The following CECR2 variants were observed in gnomAD, a reference collection of about 807,000 sequenced individuals.
CECR2 encodes the protein chromatin remodeling regulator CECR2.
A neutral mutation model predicts 154.5 loss-of-function variants in CECR2; 30 were observed. The observed-to-expected ratio is 0.19, with a 90% CI of 0.15 to 0.26. The LOEUF (loss-of-function observed/expected upper bound fraction) is 0.26. Ranked by LOEUF, CECR2 falls within the 10% of genes least tolerant of loss-of-function variation. The pLI, the probability that CECR2 is intolerant of heterozygous loss-of-function variation, is 1.00. For synonymous variants in CECR2, 725 were observed against 683.7 expected, an observed-to-expected ratio of 1.06 and a Z score of -0.94; for missense variants, 1,743 against 1,829.3, an observed-to-expected ratio of 0.95 and a Z score of 0.86.
intron 1 of CECR2, among the ~76,000 whole-genome samples, chr22:17,452,446 A>G (rs5747167): frequency 0.081 from 12,375 of 152,140 alleles, 819 homozygotes; most frequent in East Asian, 0.25. Context: ...ATAGACCATC[A>G]AGTATAAGAG....
At position 17,369,724 on chromosome 22, in the gene CECR2, C is replaced by T. The variant is rs1168321776; in HGVS notation, c.-60C>T. 1 of 149,166 alleles carries T rather than the reference C, an allele frequency of 6.7e-6. No individual in the cohort carries two copies. Among genetic ancestry groups the T allele is most frequent in the Non-Finnish European group, 1.5e-5 (1 of 67,050 alleles). The allele number at this position is 149,166 out of a possible 1,614,324, so 9.2% of individuals were successfully genotyped here. On this transcript the variant is annotated 5_prime_UTR_variant, in exon 1 of 19. Transcript: ENST00000262608. ...GCTGCGGCGCTGCCGCGGCGGGAGT[C>T]CCAGGTCGGCGGGCAGAGCGCGGGC...
intron 1 of CECR2, among the ~76,000 whole-genome samples, chr22:17,449,862 A>C (rs1385095450): frequency 1.3e-5 from 2 of 152,142 alleles, no homozygotes; most frequent in African/African-American, 4.8e-5. Flanking sequence ...ATGGTCTGAT[A>C]AGTTTTTCCC....
In CECR2 at chr22:17,542,749, C is replaced by G; in HGVS notation, c.2606C>G (p.Ala869Gly). The change falls in exon 16 of 19, where the codon GCT becomes GGT. Residue 869 changes from alanine (A) to glycine (G), a missense_variant. Ala to Gly is a moderately conservative substitution (Grantham distance 60). This residue lies in a region of CECR2 where 1,250 missense variants were observed against 1,192.1 expected (regional missense o/e 1.05). Coordinates refer to ENST00000262608, the MANE Select transcript of CECR2 (RefSeq NM_001290047.2). ...PSSLFGAPAQ[A>G]LRGVQGGDSM... is the part of the protein sequence containing the mutation. Reference sequence around the variant, plus strand: ...TCTTTGTTTGGAGCACCTGCCCAGGCTCTTCGGGGGGTGCAGGGAGGGGAC... The same window carrying G: ...TCTTTGTTTGGAGCACCTGCCCAGGGTCTTCGGGGGGTGCAGGGAGGGGAC... 6.2e-7 allele frequency: 1 copy of G among 1,614,030 alleles called. No homozygotes were observed. The highest frequency in any genetic ancestry group is 8.5e-7 in the Non-Finnish European group (1 of 1,179,902).
rs543076997 is a variant in CECR2 at position 17,411,982 on chromosome 22, C to T, written c.126+42073C>T. ...GTCGGACGTCAAGGTTTTTTCCAAT[C>T]TTAAATGGACTAACAGTGCTAAGAT... On this transcript the variant is annotated intron_variant, in intron 1 of 18. Coordinates refer to ENST00000262608, the MANE Select transcript of CECR2 (RefSeq NM_001290047.2). Among the ~76,000 whole-genome samples the T allele has an allele frequency of 3.7e-4, 57 of 152,214 alleles. 1 individual carries two copies. In the South Asian group the frequency reaches 4.8e-3, roughly 13 times the overall value.
At chr22:17,444,390 A>C (rs1337883757) in intron 1 of CECR2, among the ~76,000 whole-genome samples, 1 of 152,040 alleles carries the variant, frequency 6.6e-6, no homozygotes, top group African/African-American at 2.4e-5. Context: ...ACTTTGGGAG[A>C]CCAAGACGGG....
chr22:17,432,065 CTG>C (rs2054433206), intron 1 of CECR2, among the ~76,000 whole-genome samples: 2 of 140,792 alleles, frequency 1.4e-5, no homozygotes, highest in African/African-American at 2.7e-5. Flanking sequence ...TTTGCCCACT[CTG>C]GACATTTCCT....
intron 1 of CECR2, chr22:17,424,369 TG>T: frequency 5.5e-6 from 1 of 180,320 alleles, no homozygotes; most frequent in Non-Finnish European, 1.2e-5. Flanking sequence ...TCCTCCACAA[TG>T]GGGAGTGTGG....
intron 4 of CECR2, 96 bp downstream of exon 4, chr22:17,499,645 A>G (rs2055699487): frequency 7.8e-7 from 1 of 1,283,514 alleles, no homozygotes; most frequent in Non-Finnish European, 1.1e-6. Flanking sequence ...TTTTTTCCTA[A>G]TGAAGGAATT....
At chr22:17,546,767 G>A (rs1032214865) in intron 16 of CECR2, among the ~76,000 whole-genome samples, 6 of 151,998 alleles carry the variant, frequency 3.9e-5, no homozygotes, top group Admixed American at 2.0e-4. Context: ...GGCTGGGCGC[G>A]GTGGCTCACA....
At chr22:17,390,211 G>A (rs556414670) in intron 1 of CECR2, among the ~76,000 whole-genome samples, 1 of 152,124 alleles carries the variant, frequency 6.6e-6, no homozygotes, top group South Asian at 2.1e-4. Flanking sequence ...GACCTTTTTG[G>A]AAGACTAAAA....
intron 1 of CECR2, among the ~76,000 whole-genome samples, chr22:17,407,651 A>T (rs1394402855): frequency 6.6e-6 from 1 of 151,470 alleles, no homozygotes; most frequent in Admixed American, 6.6e-5. Flanking sequence ...TTTTAGGTGG[A>T]TGATTAAGGA....
chr22:17,404,361 G>GTTTTTTT (rs2053945581), intron 1 of CECR2, among the ~76,000 whole-genome samples: 1 of 74,806 alleles, frequency 1.3e-5, no homozygotes, highest in South Asian at 3.9e-4. Context: ...TCTGGACCCT[G>GTTTTTTT]TTCTTTCTTT....
chr22:17,524,829 C>T (rs1248472948), intron 9 of CECR2: 1 of 393,968 alleles, frequency 2.5e-6, no homozygotes, highest in Non-Finnish European at 5.1e-6. Context: ...GCCACCACAC[C>T]CAGCTAATGT....
intron 9 of CECR2, among the ~76,000 whole-genome samples, chr22:17,531,202 C>CA (rs202145618): frequency 3.6e-4 from 54 of 150,400 alleles, no homozygotes; most frequent in South Asian, 1.5e-3. Flanking sequence ...AGTTAGAAAA[C>CA]AAAAAAAAAG....
At chr22:17,368,375 A>G (rs1465195110), upstream of CECR2, among the ~76,000 whole-genome samples, 1 of 152,100 alleles carries the variant, frequency 6.6e-6, no homozygotes, top group Non-Finnish European at 1.5e-5. Flanking sequence ...TCCTATCTGA[A>G]AGGTGGACCA....
chr22:17,429,535 C>A (rs2054386199), intron 1 of CECR2, among the ~76,000 whole-genome samples: 1 of 103,986 alleles, frequency 9.6e-6, no homozygotes, highest in East Asian at 2.9e-4. Flanking sequence ...AACCCCATCT[C>A]TACCAAAAAC....
chr22:17,392,387 C>T (rs990330700), intron 1 of CECR2, among the ~76,000 whole-genome samples: 7 of 152,140 alleles, frequency 4.6e-5, no homozygotes, highest in African/African-American at 1.7e-4. Context: ...ACTCAGGAGG[C>T]TGAGGCAGGA....
At chr22:17,429,424 G>A (rs1324714998) in intron 1 of CECR2, among the ~76,000 whole-genome samples, 2 of 151,738 alleles carry the variant, frequency 1.3e-5, no homozygotes, top group African/African-American at 4.8e-5. Flanking sequence ...AAGGGAGACC[G>A]GGCGCGGTGG....
intron 1 of CECR2, among the ~76,000 whole-genome samples, chr22:17,405,453 A>T (rs1388084331): frequency 4.1e-5 from 5 of 121,256 alleles, no homozygotes; most frequent in African/African-American, 6.3e-5. Context: ...AGATAAAATA[A>T]AAAATATAAA....
Sources: allele counts gnomAD v4.1 joint callset (sites outside exome capture counted in the v4.1 genomes callset), GRCh38; gene constraint gnomAD v4.1.1; regional missense constraint gnomAD v4.1.1; transcripts MANE v1.5; gene names NCBI Gene and HGNC (gene_info 2026-07-23, HGNC 2026-07-21).